Variants in ZNF518A observed in about 807,000 individuals in gnomAD.
ZNF518A encodes the protein zinc finger protein 518A, also known as zinc finger protein 518.
Under a neutral mutation model 102.7 loss-of-function variants are expected in ZNF518A, and 47 were observed. The ratio of observed to expected loss-of-function variants is 0.46; its 90% confidence interval spans 0.36 to 0.58. ZNF518A has a LOEUF of 0.58. Among genes scored for constraint, ZNF518A ranks in the 20% least tolerant of loss-of-function variants. The pLI is 0.00. For missense variants in ZNF518A, 1,793 were observed against 1,699.8 expected (o/e 1.05, Z -0.96); for synonymous variants, 652 against 594.6 (o/e 1.10, Z -1.40).
chr10:96,161,724 A>G lies in ZNF518A; in HGVS notation c.*950A>G, dbSNP rs2083007282. ...AATTAAAATTGTTTACCAAAACAGTATTTTGAAGCAAGATCATATTTTTGT... is the reference window on the plus strand; with the variant it reads ...AATTAAAATTGTTTACCAAAACAGTGTTTTGAAGCAAGATCATATTTTTGT... On this transcript the variant is annotated 3_prime_UTR_variant, in exon 6 of 6. Transcript: ENST00000316045. 6.0e-6 allele frequency: 1 copy of G among 166,950 alleles called. No individual in the cohort carries two copies. Among genetic ancestry groups the G allele is most frequent in the South Asian group, 2.1e-4 (1 of 4,836 alleles). The allele number at this position is 166,950 out of a possible 1,614,324, so 10.3% of individuals were successfully genotyped here. A position where few individuals can be genotyped will look rare whatever the true frequency, so the allele number is the denominator to read the frequency against.
chr10:96,182,311 T>A (rs1057015898), intron 1 of ZNF518A, among the ~76,000 whole-genome samples: 5 of 152,216 alleles, frequency 3.3e-5, no homozygotes, highest in Non-Finnish European at 7.3e-5. Flanking sequence ...CCTAATTGAA[T>A]ACCCTTTATT....
At position 96,156,489 on chromosome 10, in the gene ZNF518A, A is replaced by G. The variant is rs782456426; in HGVS notation, c.167A>G (p.Asn56Ser). ...KNVKIDLPKINIPNEVLLKHE... is the reference protein window; with the variant it reads ...KNVKIDLPKISIPNEVLLKHE... ...GTGAAAATTGATTTGCCAAAAATAA[A>G]TATTCCAAATGAAGTCCTATTGAAA... is the stretch of plus-strand genomic sequence containing the variant. The change falls in exon 6 of 6, where the codon AAT (asparagine) becomes AGT (serine). Residue 56 changes from asparagine (N) to serine (S), a missense_variant. Around this residue, in one of 3 missense-constraint regions of ZNF518A, gnomAD observed 1,741 missense variants for 1,622.6 expected, o/e 1.07. Transcript: ENST00000316045. 1 of 1,611,080 alleles carries G rather than the reference A, an allele frequency of 6.2e-7. No homozygotes were observed. The highest frequency in any genetic ancestry group is 2.2e-5 in the East Asian group (1 of 44,856).
At position 96,157,927 on chromosome 10, in the gene ZNF518A, T is replaced by C. The variant is rs1241320167; in HGVS notation, c.1605T>C (p.Ser535=). ...ASSEKEMTLI[S]QRNNMLQTMD... ...CAGAAAAAGAAATGACTTTGATATCTCAAAGGAATAATATGCTTCAAACAA... is the reference window on the plus strand; with the variant it reads ...CAGAAAAAGAAATGACTTTGATATCCCAAAGGAATAATATGCTTCAAACAA... The change falls in exon 6 of 6, where the codon TCT becomes TCC. Residue 535 remains serine, a synonymous_variant. Coordinates refer to ENST00000316045, the MANE Select transcript of ZNF518A (RefSeq NM_001330736.2). 6.2e-7 allele frequency: 1 copy of C among 1,613,818 alleles called. No homozygotes were observed. Among genetic ancestry groups the C allele is most frequent in the Non-Finnish European group, 8.5e-7 (1 of 1,179,760 alleles).
At chr10:96,165,479 A>C (rs11188641), downstream of ZNF518A, among the ~76,000 whole-genome samples, 10 of 141,390 alleles carry the variant, frequency 7.1e-5, no homozygotes, top group East Asian at 3.0e-4. Flanking sequence ...CCAAAAAAAA[A>C]AAAAAAAAAA....
chr10:96,140,103 C>T (rs113682300), intron 3 of ZNF518A, among the ~76,000 whole-genome samples: 16 of 152,238 alleles, frequency 1.1e-4, no homozygotes, highest in African/African-American at 3.4e-4. Context: ...GGTGATCCAC[C>T]TGCCTCAGCC....
At chr10:96,175,291 T>G (rs908533977) in intron 1 of ZNF518A, among the ~76,000 whole-genome samples, 1 of 152,184 alleles carries the variant, frequency 6.6e-6, no homozygotes, top group Non-Finnish European at 1.5e-5. Flanking sequence ...TGCAAGACAT[T>G]AGTATCTGGG....
At chr10:96,139,695 C>G (rs747029213) in intron 3 of ZNF518A, among the ~76,000 whole-genome samples, 4 of 152,080 alleles carry the variant, frequency 2.6e-5, no homozygotes, top group Non-Finnish European at 5.9e-5. Flanking sequence ...ACATTTGCTC[C>G]TGTGTGGAGG....
chr10:96,156,480 CA>C lies in ZNF518A; in HGVS notation c.163del (p.Ile55Ter). The part of the protein sequence containing the change: ...YALKNVKIDL[P>X]KINIPNEVLL... ...CTAAAAAATGTGAAAATTGATTTGC[CA>C]AAAATAAATATTCCAAATGAAGTCC... On this transcript the variant is annotated frameshift_variant, in exon 6 of 6. Coordinates refer to ENST00000316045, the MANE Select transcript of ZNF518A (RefSeq NM_001330736.2). LOFTEE classifies it high-confidence loss of function. 6.2e-7 allele frequency: 1 copy of C among 1,610,854 alleles called. No homozygotes were observed. Among genetic ancestry groups the C allele is most frequent in the Non-Finnish European group, 8.5e-7 (1 of 1,179,140 alleles).
chr10:96,149,533 C>T (rs2082331026), intron 3 of ZNF518A, among the ~76,000 whole-genome samples: 1 of 152,186 alleles, frequency 6.6e-6, no homozygotes. Flanking sequence ...ATAAGTCAAC[C>T]AACTTTCTCC....
At chr10:96,137,228 T>C (rs1360841430) in intron 3 of ZNF518A, among the ~76,000 whole-genome samples, 5 of 146,264 alleles carry the variant, frequency 3.4e-5, no homozygotes, top group Non-Finnish European at 6.2e-5. Context: ...CCTGAAGGAC[T>C]TCACTGCTGC....
intron 3 of ZNF518A, among the ~76,000 whole-genome samples, chr10:96,133,913 AT>A (rs1388412906): frequency 2.0e-5 from 3 of 152,226 alleles, no homozygotes; most frequent in African/African-American, 7.2e-5. Flanking sequence ...CGTTTATGTC[AT>A]TAAGTAACTT....
intron 3 of ZNF518A, among the ~76,000 whole-genome samples, chr10:96,137,970 C>G (rs1407113458): frequency 8.5e-5 from 13 of 152,148 alleles, no homozygotes; most frequent in Admixed American, 7.9e-4. Flanking sequence ...CGGTGAATAG[C>G]AACTCAGTTC....
At position 96,157,402 on chromosome 10, in the gene ZNF518A, C is replaced by T. The variant is rs1043976089; in HGVS notation, c.1080C>T (p.Asp360=). ...ACAAAACACAGACTAAATCTGAAGA[C>T]CAGAGCCATGTTGTTCAAGAGCATT... is the stretch of plus-strand genomic sequence containing the variant. ...KMNKTQTKSE[D]QSHVVQEHLS... Residue 360 remains aspartate, a synonymous_variant, in exon 6 of 6, where the codon GAC becomes GAT. Coordinates refer to ENST00000316045, the MANE Select transcript of ZNF518A (RefSeq NM_001330736.2). 5 of 1,612,606 alleles carry T rather than the reference C, an allele frequency of 3.1e-6. No individual in the cohort carries two copies. The highest frequency in any genetic ancestry group is 2.2e-5 in the East Asian group (1 of 44,862).
chr10:96,190,903 CT>C (rs782306068), intron 1 of ZNF518A, among the ~76,000 whole-genome samples: 6 of 152,178 alleles, frequency 3.9e-5, no homozygotes, highest in Non-Finnish European at 7.3e-5. Context: ...TAGGAACTGG[CT>C]TTTAGTCTAG....
At chr10:96,145,754 CAGTT>C (rs1388340697) in intron 3 of ZNF518A, among the ~76,000 whole-genome samples, 8 of 152,206 alleles carry the variant, frequency 5.3e-5, no homozygotes, top group South Asian at 2.1e-4. Flanking sequence ...AAGAAAAACT[CAGTT>C]GGTTTACCAC....
chr10:96,204,589 C>T (rs782231780), downstream of ZNF518A: 31 of 1,613,918 alleles, frequency 1.9e-5, no homozygotes, highest in African/African-American at 5.3e-5. Flanking sequence ...ACTTGACCCT[C>T]GGTGGCGTTC....
At chr10:96,148,495 T>C (rs192994844) in intron 3 of ZNF518A, among the ~76,000 whole-genome samples, 6 of 152,344 alleles carry the variant, frequency 3.9e-5, no homozygotes, top group Admixed American at 1.3e-4. Flanking sequence ...CAAATTACTT[T>C]TTTTGATTTA....
downstream of ZNF518A, among the ~76,000 whole-genome samples, chr10:96,167,327 G>A (rs1554890481): frequency 2.0e-5 from 3 of 152,030 alleles, no homozygotes; most frequent in South Asian, 4.2e-4. Context: ...CGTGGTGGGC[G>A]CCTGTAGTCC....
intron 1 of ZNF518A, among the ~76,000 whole-genome samples, chr10:96,173,586 T>C (rs1339003941): frequency 6.6e-6 from 1 of 152,130 alleles, no homozygotes; most frequent in African/African-American, 2.4e-5. Flanking sequence ...TATAACAATT[T>C]TAAACATATA....
Sources: allele counts gnomAD v4.1 joint callset (sites outside exome capture counted in the v4.1 genomes callset), GRCh38; gene constraint gnomAD v4.1.1; regional missense constraint gnomAD v4.1.1; transcripts MANE v1.5; gene names NCBI Gene and HGNC (gene_info 2026-07-23, HGNC 2026-07-21).